The following CLIC6 variants were observed in gnomAD, a reference collection of about 807,000 sequenced individuals.
CLIC6 encodes the protein CLIC family member 6.
In CLIC6, 39 loss-of-function variants were observed where a neutral mutation model predicts 49.2. The ratio of observed to expected loss-of-function variants is 0.79; its 90% confidence interval spans 0.61 to 1.04. CLIC6 has a LOEUF of 1.04. CLIC6 is among the 50% of genes least tolerant of loss of function. CLIC6 has a pLI of 0.00. For synonymous variants in CLIC6, 446 were observed against 433.4 expected, an observed-to-expected ratio of 1.03 and a Z score of -0.36; for missense variants, 988 against 993.1, an observed-to-expected ratio of 0.99 and a Z score of 0.07.
chr21:34,670,521 C>T lies in CLIC6; in HGVS notation c.1133C>T (p.Pro378Leu), dbSNP rs775957352. ...GEDEERRERS[P>L]EGPREEEAAG... ...GACGAAGAGAGACGAGAGCGGAGCC[C>T]GGAGGGGCCAAGGGAGGAGGAAGCA... is the stretch of plus-strand genomic sequence containing the variant. The change falls in exon 1 of 6, where the codon CCG becomes CTG. Residue 378 changes from proline (P) to leucine (L), a missense_variant. This residue lies in a region of CLIC6 where 647 missense variants were observed against 596.9 expected (regional missense o/e 1.08). Coordinates refer to ENST00000349499, the MANE Select transcript of CLIC6 (RefSeq NM_053277.3). 20 of 1,496,196 alleles carry T rather than the reference C, an allele frequency of 1.3e-5. No individual in the cohort carries two copies. The highest frequency in any genetic ancestry group is 1.7e-5 in the Non-Finnish European group (19 of 1,122,294). The allele number at this position is 1,496,196 out of a possible 1,614,324, so 92.7% of individuals were successfully genotyped here.
intron 5 of CLIC6, among the ~76,000 whole-genome samples, chr21:34,714,673 C>T (rs2154446): frequency 0.4 from 58,161 of 146,736 alleles, 12,054 homozygotes; most frequent in East Asian, 0.61. Flanking sequence ...GGTGACAGAG[C>T]GAGACTGTCT....
intron 1 of CLIC6, among the ~76,000 whole-genome samples, chr21:34,675,446 T>A (rs139684174): frequency 1.0e-3 from 152 of 152,208 alleles, no homozygotes; most frequent in African/African-American, 3.2e-3. Flanking sequence ...AAGGGAGATG[T>A]TATTTTCACA....
intron 1 of CLIC6, among the ~76,000 whole-genome samples, chr21:34,674,330 G>C (rs1308108735): frequency 6.6e-6 from 1 of 152,152 alleles, no homozygotes; most frequent in Admixed American, 6.5e-5. Flanking sequence ...GGGCTCAAGT[G>C]ACCCTCCCAC....
At chr21:34,702,409 G>A (rs1025543055) in intron 1 of CLIC6, among the ~76,000 whole-genome samples, 8 of 152,136 alleles carry the variant, frequency 5.3e-5, no homozygotes, top group Admixed American at 2.0e-4. Context: ...GCTCCCGCGT[G>A]TCTCTTTCAC....
chr21:34,670,147 G>A lies in CLIC6; in HGVS notation c.759G>A (p.Gly253=), dbSNP rs543609987. ...EGRVGDSVEA[G]DPAGDGVEAG... ...GGGTGGGGGACAGCGTAGAGGCGGG[G>A]GACCCGGCGGGGGACGGCGTAGAAG... The change falls in exon 1 of 6, where the codon GGG becomes GGA. Residue 253 remains glycine, a synonymous_variant. Coordinates refer to ENST00000349499, the MANE Select transcript of CLIC6 (RefSeq NM_053277.3). 2.6e-4 allele frequency: 356 copies of A among 1,388,212 alleles called. 3 individuals are homozygous for A. The South Asian group carries it at 4.8e-3, about 19-fold the overall frequency. 86.0% of individuals were successfully genotyped at this position (1,388,212 alleles called of 1,614,324 possible).
chr21:34,686,585 C>T (rs1168825958), intron 1 of CLIC6, among the ~76,000 whole-genome samples: 2 of 152,314 alleles, frequency 1.3e-5, no homozygotes, highest in Admixed American at 1.3e-4. Context: ...TCGTAACCAG[C>T]AGAATATAGT....
intron 1 of CLIC6, among the ~76,000 whole-genome samples, chr21:34,682,684 C>A (rs182922960): frequency 2.3e-3 from 350 of 152,054 alleles, no homozygotes; most frequent in African/African-American, 7.9e-3. Flanking sequence ...ATGATGATGG[C>A]ACTCTTAGAA....
chr21:34,673,140 A>C (rs1238245695), intron 1 of CLIC6, among the ~76,000 whole-genome samples: 1 of 152,190 alleles, frequency 6.6e-6, no homozygotes, highest in East Asian at 1.9e-4. Context: ...TTGTGTGGGC[A>C]GAAGCATGTG....
Position 34,716,862 on chromosome 21 carries a change from T to TCTCTCTCTCACACACACACACACA in CLIC6, c.*381_*382insTCTCTCTCACACACACACACACAC. The TCTCTCTCTCACACACACACACACA allele has an allele frequency of 7.6e-6, 1 of 131,634 alleles. No homozygotes were observed. The highest frequency in any genetic ancestry group is 3.2e-5 in the African/African-American group (1 of 31,214). The allele number at this position is 131,634 out of a possible 1,614,324, so 8.2% of individuals were successfully genotyped here. ...CTCTCTCTCTCTCTCTCTCTCTCTA[T>TCTCTCTCTCACACACACACACACA]CACACACACACACACACACACACAC... On this transcript the variant is annotated 3_prime_UTR_variant, in exon 6 of 6. Transcript: ENST00000349499.
intron 5 of CLIC6, among the ~76,000 whole-genome samples, chr21:34,715,446 G>C (rs1003096336): frequency 1.3e-5 from 2 of 152,158 alleles, no homozygotes; most frequent in African/African-American, 4.8e-5. Context: ...CACAGCCAAG[G>C]CACTGCCAGA....
At chr21:34,686,136 G>A (rs1222408788) in intron 1 of CLIC6, among the ~76,000 whole-genome samples, 1 of 152,210 alleles carries the variant, frequency 6.6e-6, no homozygotes, top group Non-Finnish European at 1.5e-5. Context: ...GGGCACGGTG[G>A]CTCACACCTG....
chr21:34,712,925 A>G (rs901973267), intron 5 of CLIC6, among the ~76,000 whole-genome samples: 4 of 151,732 alleles, frequency 2.6e-5, no homozygotes. Flanking sequence ...CCTAACCCCA[A>G]CTCTAATGTG....
intron 5 of CLIC6, among the ~76,000 whole-genome samples, chr21:34,711,536 TAAATAAATAAATAAATAA>T (rs1198948941): frequency 0.042 from 670 of 15,828 alleles, 6 homozygotes; most frequent in African/African-American, 0.26. Context: ...AACAAATAAA[TAAATAAATAAATAAATAA>T]ATAAATAAAT....
rs561586811 is a variant in CLIC6, at chr21:34,677,949, A to G, written c.1374+7187A>G. On this transcript the variant is annotated intron_variant, in intron 1 of 5. Coordinates refer to ENST00000349499, the MANE Select transcript of CLIC6 (RefSeq NM_053277.3). ...GAAAACATTAAAAGAAGAATAATTC[A>G]TGACTCATGAAAAATATATGAAATT... Among the ~76,000 whole-genome samples the G allele has an allele frequency of 2.0e-5, 3 of 152,366 alleles. No homozygotes were observed. In the East Asian group the frequency reaches 5.8e-4, roughly 29 times the overall value.
chr21:34,716,862 T>TCTCTCTCTCTCACACACACACACACA lies in CLIC6; in HGVS notation c.*381_*382insTCTCTCTCTCACACACACACACACAC. 6 of 131,630 alleles carry TCTCTCTCTCTCACACACACACACACA rather than the reference T, an allele frequency of 4.6e-5. No individual in the cohort carries two copies. The highest frequency in any genetic ancestry group is 1.9e-4 in the African/African-American group (6 of 31,212). 8.2% of individuals were successfully genotyped at this position (131,630 alleles called of 1,614,324 possible). The stretch of plus-strand genomic sequence containing the variant: ...CTCTCTCTCTCTCTCTCTCTCTCTA[T>TCTCTCTCTCTCACACACACACACACA]CACACACACACACACACACACACAC... On this transcript the variant is annotated 3_prime_UTR_variant, in exon 6 of 6. Transcript: ENST00000349499.
chr21:34,670,290 A>G lies in CLIC6; in HGVS notation c.902A>G (p.Asp301Gly), dbSNP rs1171463891. ...TCGGGTGAGCCGCAGCAATCGGGGG[A>G]CGGCAGCCTCTCGCCCCAGGCCGAG... ...RVSGEPQQSGDGSLSPQAEAI... is the reference protein window; with the variant it reads ...RVSGEPQQSGGGSLSPQAEAI... Residue 301 changes from aspartate to glycine, a missense_variant, in exon 1 of 6, where the codon GAC (aspartate) becomes GGC (glycine). Physicochemically the swap from Asp to Gly is moderately conservative, Grantham distance 94. Transcript: ENST00000349499. 2 of 1,440,742 alleles carry G rather than the reference A, an allele frequency of 1.4e-6. No homozygotes were observed. Among genetic ancestry groups the G allele is most frequent in the Non-Finnish European group, 9.1e-7 (1 of 1,101,558 alleles). The allele number at this position is 1,440,742 out of a possible 1,614,324, so 89.2% of individuals were successfully genotyped here.
Position 34,716,570 on chromosome 21 carries a change from A to G in CLIC6, c.*88A>G, listed in dbSNP as rs560233301. On this transcript the variant is annotated 3_prime_UTR_variant, in exon 6 of 6. Coordinates refer to ENST00000349499, the MANE Select transcript of CLIC6 (RefSeq NM_053277.3). ...TGAAAACAAATTAGGTTTGGGTTCA[A>G]TTCCTTCAATTTTTAAAAAACTGGT... is the stretch of plus-strand genomic sequence containing the variant. 1.1e-5 allele frequency: 12 copies of G among 1,082,910 alleles called. No homozygotes were observed. The South Asian group carries it at 2.6e-4, about 24-fold the overall frequency. The allele number at this position is 1,082,910 out of a possible 1,614,324, so 67.1% of individuals were successfully genotyped here.
chr21:34,672,552 C>T (rs1245170253), intron 1 of CLIC6, among the ~76,000 whole-genome samples: 1 of 152,212 alleles, frequency 6.6e-6, no homozygotes, highest in Non-Finnish European at 1.5e-5. Context: ...CAGTCCCAGT[C>T]GGATGACCCT....
At position 34,684,432 on chromosome 21, in the gene CLIC6, A is replaced by G. The variant is rs75780623; in HGVS notation, c.1374+13670A>G. 9.6e-3 allele frequency among the ~76,000 whole-genome samples: 1,466 copies of G among 152,342 alleles called. 25 individuals are homozygous for G. The highest frequency in any genetic ancestry group is 0.033 in the African/African-American group (1,380 of 41,562). ...CTGGCCCCCTGCCATGTGCCTGTCTATTTGGAAGATGAATCAATTTATCCA... is the reference window on the plus strand; with the variant it reads ...CTGGCCCCCTGCCATGTGCCTGTCTGTTTGGAAGATGAATCAATTTATCCA... On this transcript the variant is annotated intron_variant, in intron 1 of 5. Coordinates refer to ENST00000349499, the MANE Select transcript of CLIC6 (RefSeq NM_053277.3).
Sources: gnomAD v4.1 joint callset for allele counts (sites outside exome capture counted in the v4.1 genomes callset) on GRCh38, gnomAD v4.1.1 for gene constraint, gnomAD v4.1.1 regional missense constraint, MANE v1.5 for transcripts, NCBI Gene and HGNC (gene_info 2026-07-23, HGNC 2026-07-21) for gene names.